Variants in PDE3B observed in about 807,000 individuals in gnomAD.
PDE3B encodes phosphodiesterase 3B, also known as cGMP-inhibited 3',5'-cyclic phosphodiesterase 3B.
PDE3B carries 66 observed loss-of-function variants against 116.8 expected under a neutral mutation model. The ratio of observed to expected loss-of-function variants is 0.56; its 90% CI spans 0.46 to 0.69. PDE3B has a LOEUF of 0.69. PDE3B is among the 30% of genes least tolerant of loss of function. The probability of loss-of-function intolerance (pLI) is 0.00; values close to 1 mark genes in which losing one functional copy is unlikely to be tolerated. For missense variants in PDE3B, 1,384 were observed against 1,368.1 expected, an observed-to-expected ratio of 1.01 and a Z score of -0.18; for synonymous variants, 595 against 533.6, an observed-to-expected ratio of 1.12 and a Z score of -1.59.
At position 14,804,039 on chromosome 11, in the gene PDE3B, T is replaced by A. The variant is rs1445242305; in HGVS notation, c.1511T>A (p.Leu504His). 2.5e-6 allele frequency: 4 copies of A among 1,581,898 alleles called. No individual in the cohort carries two copies. In the South Asian group the frequency reaches 4.4e-5, roughly 18 times the overall value. The change falls in exon 5 of 16, where the codon CTC becomes CAC. Residue 504 changes from leucine to histidine, a missense_variant. Coordinates refer to ENST00000282096, the MANE Select transcript of PDE3B (RefSeq NM_000922.4). ...SSVSLTHHVG[L>H]RRAGVLSSLS... ...GTATCACTGACTCACCATGTAGGTC[T>A]CAGAAGAGCTGGTAAGAAATCATTC... is the stretch of plus-strand genomic sequence containing the variant.
chr11:14,692,640 C>T (rs777248762), intron 1 of PDE3B, among the ~76,000 whole-genome samples: 2 of 151,988 alleles, frequency 1.3e-5, no homozygotes, highest in African/African-American at 2.4e-5. Context: ...TGTTTTGGGG[C>T]AACACGAATC....
intron 1 of PDE3B, among the ~76,000 whole-genome samples, chr11:14,721,240 G>C (rs1008947274): frequency 6.6e-6 from 1 of 152,172 alleles, no homozygotes; most frequent in African/African-American, 2.4e-5. Context: ...TCTCACACCA[G>C]TTAGAATGGC....
intron 1 of PDE3B, among the ~76,000 whole-genome samples, chr11:14,767,534 A>ATTATT (rs1857529390): frequency 6.6e-6 from 1 of 151,452 alleles, no homozygotes; most frequent in Non-Finnish European, 1.5e-5. Flanking sequence ...TTGATTGGGG[A>ATTATT]GTATAATGCA....
intron 1 of PDE3B, among the ~76,000 whole-genome samples, chr11:14,678,791 A>G (rs1290384482): frequency 1.3e-5 from 2 of 152,096 alleles, no homozygotes; most frequent in African/African-American, 4.8e-5. Flanking sequence ...TTTTTGTTTT[A>G]TAAGTTCTTT....
chr11:14,749,736 C>T (rs1043148744), intron 1 of PDE3B, among the ~76,000 whole-genome samples: 2 of 150,588 alleles, frequency 1.3e-5, no homozygotes, highest in Non-Finnish European at 3.0e-5. Flanking sequence ...GAATAGGATT[C>T]AGGAAACCCA....
intron 4 of PDE3B, among the ~76,000 whole-genome samples, chr11:14,798,457 G>A (rs1358187026): frequency 6.6e-6 from 1 of 152,130 alleles, no homozygotes; most frequent in Non-Finnish European, 1.5e-5. Flanking sequence ...AAATGATTTA[G>A]GGAAGATTTC....
At chr11:14,738,812 C>T (rs1856674096) in intron 1 of PDE3B, among the ~76,000 whole-genome samples, 1 of 152,168 alleles carries the variant, frequency 6.6e-6, no homozygotes, top group African/African-American at 2.4e-5. Context: ...TTTCAGTTTT[C>T]TCCATATGGC....
At chr11:14,767,266 A>G (rs1438218682) in intron 1 of PDE3B, among the ~76,000 whole-genome samples, 4 of 151,626 alleles carry the variant, frequency 2.6e-5, no homozygotes, top group African/African-American at 9.7e-5. Flanking sequence ...GTTTCAAAGT[A>G]GACAACATCC....
chr11:14,724,601 A>G (rs925078734), intron 1 of PDE3B, among the ~76,000 whole-genome samples: 1 of 152,228 alleles, frequency 6.6e-6, no homozygotes, highest in African/African-American at 2.4e-5. Context: ...AAATTCTGAA[A>G]TATGAAACAC....
intron 1 of PDE3B, among the ~76,000 whole-genome samples, chr11:14,737,489 C>T (rs905887347): frequency 2.0e-5 from 3 of 151,702 alleles, no homozygotes; most frequent in African/African-American, 7.3e-5. Context: ...TGAGCCACTG[C>T]ATCCGGCCAC....
chr11:14,721,030 C>A (rs974636318), intron 1 of PDE3B, among the ~76,000 whole-genome samples: 4 of 135,458 alleles, frequency 3.0e-5, no homozygotes, highest in Non-Finnish European at 6.3e-5. Flanking sequence ...ACTCATCTGA[C>A]AAAGGGCTAA....
chr11:14,644,224 A>G lies in PDE3B; in HGVS notation c.149A>G (p.His50Arg), dbSNP rs752351917. 9 of 1,582,838 alleles carry G rather than the reference A, an allele frequency of 5.7e-6. No individual in the cohort carries two copies. The highest frequency in any genetic ancestry group is 1.7e-4 in the Middle Eastern group (1 of 5,878). The stretch of plus-strand genomic sequence containing the variant: ...GACCCTCCGCGCGGCTTCTTCTTCC[A>G]CCTCTGCCGCTTCTGCAACGTGGAG... Reference protein sequence around the residue: ...RQDPPRGFFFHLCRFCNVELR... With the variant: ...RQDPPRGFFFRLCRFCNVELR... Residue 50 changes from histidine to arginine, a missense_variant, in exon 1 of 16, where the codon CAC becomes CGC. His to Arg is a conservative substitution (Grantham distance 29). Coordinates refer to ENST00000282096, the MANE Select transcript of PDE3B (RefSeq NM_000922.4).
chr11:14,661,455 G>A (rs11023295), intron 1 of PDE3B, among the ~76,000 whole-genome samples: 53,815 of 152,192 alleles, frequency 0.35, 10,954 homozygotes, highest in South Asian at 0.46. Flanking sequence ...GACAGTGGGC[G>A]TAGGACAGTG....
the PDE3B span, among the ~76,000 whole-genome samples, chr11:14,889,381 A>C: frequency 1.8e-4 from 27 of 152,196 alleles, no homozygotes; most frequent in African/African-American, 5.8e-4. Context: ...ATAATGGGAG[A>C]TCTTTAGAGA....
the PDE3B span, chr11:14,891,241 C>A: frequency 1.7e-5 from 17 of 984,844 alleles, no homozygotes; most frequent in African/African-American, 2.3e-4. Context: ...AGCGAAGTAC[C>A]GACCTCACCG....
intron 12 of PDE3B, among the ~76,000 whole-genome samples, chr11:14,857,759 A>G (rs1847876786): frequency 6.6e-6 from 1 of 152,178 alleles, no homozygotes; most frequent in Admixed American, 6.5e-5. Flanking sequence ...TAAGTTTATT[A>G]AGTCAGCTAG....
At chr11:14,861,090 TTC>T (rs1847941467) in intron 13 of PDE3B, 113 bp from the exon 14 acceptor site, 1 of 707,872 alleles carries the variant, frequency 1.4e-6, no homozygotes, top group Non-Finnish European at 2.3e-6. Flanking sequence ...TTGCTGAAAT[TTC>T]TTTCTGTCAT....
At chr11:14,894,699 G>T in the PDE3B span, among the ~76,000 whole-genome samples, 1 of 152,102 alleles carries the variant, frequency 6.6e-6, no homozygotes, top group Admixed American at 6.5e-5. Context: ...AATAGGTGGG[G>T]TATTCTCAGG....
In PDE3B at chr11:14,644,639, G is replaced by A; in HGVS notation, c.564G>A (p.Thr188=). The change falls in exon 1 of 16, where the codon ACG becomes ACA. Residue 188 remains threonine (T), a synonymous_variant. Transcript: ENST00000282096. ...ACGCAGGGTCCGCGGCCCCGCACAC[G>A]CCCCCGGAGGCGGCAGCGGGCAGGT... The part of the protein sequence containing the change: ...DGDAGSAAPH[T]PPEAAAGRLL... 2.0e-6 allele frequency: 3 copies of A among 1,505,114 alleles called. No individual in the cohort carries two copies. The highest frequency in any genetic ancestry group is 2.6e-5 in the South Asian group (2 of 76,712). The allele number at this position is 1,505,114 out of a possible 1,614,324, so 93.2% of individuals were successfully genotyped here.
Sources: gnomAD v4.1 joint callset for allele counts (sites outside exome capture counted in the v4.1 genomes callset) on GRCh38, gnomAD v4.1.1 for gene constraint, MANE v1.5 for transcripts, NCBI Gene and HGNC (gene_info 2026-07-23, HGNC 2026-07-21) for gene names.